Variants in DYNC2H1 observed in about 807,000 individuals in gnomAD.
DYNC2H1 encodes the protein cytoplasmic dynein 2 heavy chain 1.
A neutral mutation model predicts 570.0 loss-of-function variants in DYNC2H1; 410 were observed. The ratio of observed to expected loss-of-function variants is 0.72; its 90% CI spans 0.66 to 0.78. The LOEUF is 0.78. Ranked by LOEUF, DYNC2H1 falls within the 30% of genes least tolerant of loss-of-function variation. The pLI, the probability that DYNC2H1 is intolerant of heterozygous loss-of-function variation, is 0.00. For missense variants in DYNC2H1, 4,865 were observed against 5,046.4 expected, an observed-to-expected ratio of 0.96 and a Z score of 1.09; for synonymous variants, 1,688 against 1,677.6, an observed-to-expected ratio of 1.01 and a Z score of -0.15.
At chr11:103,156,329 A>G in intron 25 of DYNC2H1, 59 bp from the exon 26 acceptor site, 2 of 1,446,908 alleles carry the variant, frequency 1.4e-6, no homozygotes, top group Non-Finnish European at 1.9e-6. Context: ...CTTTTCTATT[A>G]ATTACTTATG....
At position 103,189,894 on chromosome 11, in the gene DYNC2H1, T is replaced by C; in HGVS notation, c.7437+78T>C. ...GGTCTACTTTTAATTCTGACCTCTG[T>C]GTTGACACCCAGGCTTTACTTTCCT... On this transcript the variant is annotated intron_variant, in intron 45 of 88. Coordinates refer to ENST00000375735, the MANE Select transcript of DYNC2H1 (RefSeq NM_001377.3). The surrounding 1 kb of genome is among the most constrained non-coding windows in gnomAD (Gnocchi z 4.3). 1 of 1,399,076 alleles carries C rather than the reference T, an allele frequency of 7.1e-7. No homozygotes were observed. The highest frequency in any genetic ancestry group is 9.6e-7 in the Non-Finnish European group (1 of 1,044,138). 86.7% of individuals were successfully genotyped at this position (1,399,076 alleles called of 1,614,324 possible).
intron 83 of DYNC2H1, among the ~76,000 whole-genome samples, chr11:103,392,964 A>T (rs1444169604): frequency 6.6e-6 from 1 of 151,738 alleles, no homozygotes; most frequent in Non-Finnish European, 1.5e-5. Context: ...GCTCACTGCA[A>T]CCTCCGCCTC....
chr11:103,328,309 G>A (rs541668538), intron 82 of DYNC2H1, among the ~76,000 whole-genome samples: 19 of 152,142 alleles, frequency 1.2e-4, no homozygotes, highest in Non-Finnish European at 2.2e-4. Flanking sequence ...GGGTTTCACA[G>A]TGCTTCAATC....
intron 82 of DYNC2H1, among the ~76,000 whole-genome samples, chr11:103,351,856 A>G (rs1457502058): frequency 1.3e-5 from 2 of 152,144 alleles, no homozygotes; most frequent in Non-Finnish European, 2.9e-5. Context: ...ATAGAACTTA[A>G]CATGTAAACT....
At chr11:103,258,534 C>T (rs1865151126) in intron 69 of DYNC2H1, among the ~76,000 whole-genome samples, 1 of 151,972 alleles carries the variant, frequency 6.6e-6, no homozygotes, top group Admixed American at 6.5e-5. Context: ...AGTTGAGGGG[C>T]TAAGACAGGT....
chr11:103,473,124 C>T (rs1051507534), intron 88 of DYNC2H1, among the ~76,000 whole-genome samples: 6 of 152,068 alleles, frequency 3.9e-5, no homozygotes, highest in Admixed American at 3.9e-4. Flanking sequence ...ATTTGAAATG[C>T]AGTGTACTTT....
At chr11:103,467,453 T>C (rs1945227039) in intron 87 of DYNC2H1, among the ~76,000 whole-genome samples, 1 of 152,218 alleles carries the variant, frequency 6.6e-6, no homozygotes, top group Admixed American at 6.5e-5. Flanking sequence ...AATTTAGTGT[T>C]CCCTTCATTC....
intron 75 of DYNC2H1, among the ~76,000 whole-genome samples, chr11:103,302,620 C>A (rs553194010): frequency 6.6e-6 from 1 of 152,150 alleles, no homozygotes; most frequent in African/African-American, 2.4e-5. Flanking sequence ...CCAGTGAAAT[C>A]ATTTACTCAG....
intron 40 of DYNC2H1, 78 bp from the exon 41 acceptor site, chr11:103,184,818 A>T: frequency 2.7e-6 from 4 of 1,460,156 alleles, no homozygotes; most frequent in Non-Finnish European, 3.7e-6. Flanking sequence ...AGGTATGTGA[A>T]CATCAGTCTG....
At chr11:103,354,674 TC>T (rs1366724785) in intron 82 of DYNC2H1, among the ~76,000 whole-genome samples, 2 of 152,126 alleles carry the variant, frequency 1.3e-5, no homozygotes, top group Admixed American at 6.5e-5. Context: ...TTATATTTTC[TC>T]AAAAAATAAT....
At chr11:103,396,721 T>G (rs141896824) in intron 83 of DYNC2H1, among the ~76,000 whole-genome samples, 2 of 152,214 alleles carry the variant, frequency 1.3e-5, no homozygotes, top group African/African-American at 4.8e-5. Flanking sequence ...CTAAATGAGT[T>G]TTCTTGCTTA....
At chr11:103,247,411 A>G (rs921114160) in intron 65 of DYNC2H1, among the ~76,000 whole-genome samples, 8 of 152,064 alleles carry the variant, frequency 5.3e-5, no homozygotes, top group African/African-American at 1.9e-4. Flanking sequence ...CAAGAGGTAT[A>G]TCTCCATATG....
intron 31 of DYNC2H1, 108 bp downstream of exon 31, chr11:103,166,156 C>T (rs1197051223): frequency 7.2e-6 from 6 of 835,814 alleles, no homozygotes; most frequent in African/African-American, 1.8e-5. Flanking sequence ...GGTGATTACT[C>T]GAGGAATTAC....
intron 85 of DYNC2H1, among the ~76,000 whole-genome samples, chr11:103,442,871 T>A (rs1944312133): frequency 6.6e-6 from 1 of 152,030 alleles, no homozygotes; most frequent in Non-Finnish European, 1.5e-5. Flanking sequence ...AGCAAACAAT[T>A]TTTCCCTGCA....
rs116666272 is a variant in DYNC2H1 at position 103,116,593 on chromosome 11, A to G, written c.645A>G (p.Leu215=). 4,975 of 1,606,950 alleles carry G rather than the reference A, an allele frequency of 3.1e-3. 105 individuals carry two copies. In the African/African-American group the frequency reaches 0.054, roughly 17 times the overall value. ...IAREFYNLDS[L]SLLEVVDLVE... ...AGGAGTTTTATAACTTGGACAGTCT[A>G]TCCTTACTAGAAGTTGTTGACTTGG... Residue 215 remains leucine, a synonymous_variant, in exon 5 of 89, where the codon CTA becomes CTG. Transcript: ENST00000375735.
At chr11:103,442,922 C>T (rs1361286904) in intron 85 of DYNC2H1, among the ~76,000 whole-genome samples, 1 of 151,154 alleles carries the variant, frequency 6.6e-6, no homozygotes. Flanking sequence ...ATGCTGGTAC[C>T]CTTACTTGCA....
At chr11:103,237,155 A>G (rs1290416196) in intron 63 of DYNC2H1, among the ~76,000 whole-genome samples, 1 of 152,004 alleles carries the variant, frequency 6.6e-6, no homozygotes, top group Non-Finnish European at 1.5e-5. Flanking sequence ...TGATATGGAA[A>G]TTGGAAGATG....
intron 88 of DYNC2H1, 63 bp downstream of exon 88, chr11:103,468,768 T>C: frequency 3.2e-6 from 4 of 1,263,272 alleles, no homozygotes; most frequent in Non-Finnish European, 4.4e-6. Context: ...TTTTATCTTT[T>C]CAAGAAGACA....
At position 103,280,282 on chromosome 11, in the gene DYNC2H1, A is replaced by G. The variant is rs977236490; in HGVS notation, c.10696-66A>G. 2.7e-6 allele frequency: 4 copies of G among 1,489,066 alleles called. No homozygotes were observed. In the East Asian group the frequency reaches 9.9e-5, roughly 37 times the overall value. The allele number at this position is 1,489,066 out of a possible 1,614,324, so 92.2% of individuals were successfully genotyped here. A position where few individuals can be genotyped will look rare whatever the true frequency, so the allele number is the denominator to read the frequency against. Reference sequence around the variant, plus strand: ...TAGAGATTTTTGTGTGCCAAATTTTAACGACTATGCTTTTCCAAAGACACA... The same window carrying G: ...TAGAGATTTTTGTGTGCCAAATTTTGACGACTATGCTTTTCCAAAGACACA... On this transcript the variant is annotated intron_variant, in intron 70 of 88. Coordinates refer to ENST00000375735, the MANE Select transcript of DYNC2H1 (RefSeq NM_001377.3). This position sits in a 1 kb window ranked among gnomAD's most constrained non-coding sequence, Gnocchi z 4.7.
Sources: allele counts gnomAD v4.1 joint callset (sites outside exome capture counted in the v4.1 genomes callset), GRCh38; gene constraint gnomAD v4.1.1; non-coding constraint Gnocchi (gnomAD v3.1); transcripts MANE v1.5; gene names NCBI Gene and HGNC (gene_info 2026-07-23, HGNC 2026-07-21).